The following TMEM131 variants were observed in gnomAD, a reference collection of about 807,000 sequenced individuals.
TMEM131 encodes the protein transmembrane protein 131.
In TMEM131, 66 loss-of-function variants were observed where a neutral mutation model predicts 211.6. That is an observed-to-expected ratio of 0.31 (90% CI 0.26 to 0.38). The LOEUF (loss-of-function observed/expected upper bound fraction) is 0.38, where lower values mean the gene tolerates loss of function less well. Among genes scored for constraint, TMEM131 ranks in the 10% least tolerant of loss-of-function variants. The pLI, the probability that TMEM131 is intolerant of heterozygous loss-of-function variation, is 1.00. For synonymous variants in TMEM131, 844 were observed against 841.3 expected, an observed-to-expected ratio of 1.00 and a Z score of -0.06; for missense variants, 2,036 against 2,299.3, an observed-to-expected ratio of 0.89 and a Z score of 2.34.
Position 97,760,821 on chromosome 2 carries a change from T to G in TMEM131, c.4983A>C (p.Ala1661=), listed in dbSNP as rs1678798831. The G allele has an allele frequency of 6.2e-7, 1 of 1,614,082 alleles. No homozygotes were observed. The highest frequency in any genetic ancestry group is 8.5e-7 in the Non-Finnish European group (1 of 1,179,896). The change falls in exon 37 of 41, where the codon GCA becomes GCC. Residue 1661 remains alanine (A), a synonymous_variant. Coordinates refer to ENST00000186436, the MANE Select transcript of TMEM131 (RefSeq NM_015348.2). ...PGKNGNPTFA[A]VTAGYDKSPG... ...GGCTCTTGTCGTAGCCAGCCGTGAC[T>G]GCAGCAAAAGTGGGGTTGCCGTTCT... is the stretch of plus-strand genomic sequence containing the variant.
chr2:97,792,380 G>T lies in TMEM131; in HGVS notation c.4144+6C>A. 6.4e-7 allele frequency: 1 copy of T among 1,558,360 alleles called. No homozygotes were observed. The highest frequency in any genetic ancestry group is 1.2e-5 in the South Asian group (1 of 82,640). On this transcript the variant is annotated splice_donor_region_variant and intron_variant, in intron 31 of 40. Transcript: ENST00000186436. ...TCACGGATCTCCGGCAGTGGGAGAT[G>T]ATTACCTTTGCTTTTTGGCAATGGC...
chr2:97,880,438 C>A (rs1048510748), intron 4 of TMEM131, among the ~76,000 whole-genome samples: 15 of 152,158 alleles, frequency 9.9e-5, no homozygotes, highest in African/African-American at 3.4e-4. Flanking sequence ...TGGTAACAGT[C>A]CAGATGAGAA....
At chr2:97,939,833 T>C (rs1316565778) in intron 1 of TMEM131, among the ~76,000 whole-genome samples, 1 of 152,224 alleles carries the variant, frequency 6.6e-6, no homozygotes, top group Non-Finnish European at 1.5e-5. Context: ...GAAGATCAAG[T>C]TGGCTTCATC....
chr2:97,796,456 C>T, intron 27 of TMEM131, 52 bp from the exon 28 acceptor site: 2 of 1,127,518 alleles, frequency 1.8e-6, no homozygotes, highest in Non-Finnish European at 2.5e-6. Flanking sequence ...CATGTGCTCC[C>T]AGTCCAAATG....
chr2:97,849,139 A>G (rs1020022557), intron 5 of TMEM131, among the ~76,000 whole-genome samples: 16 of 152,224 alleles, frequency 1.1e-4, no homozygotes, highest in African/African-American at 3.9e-4. Context: ...TCGCATCACA[A>G]AAAACCCAAA....
intron 2 of TMEM131, among the ~76,000 whole-genome samples, chr2:97,911,027 T>C (rs1676269605): frequency 6.6e-6 from 1 of 152,160 alleles, no homozygotes; most frequent in African/African-American, 2.4e-5. Flanking sequence ...ACAGCCCAAA[T>C]TTCCACCAGC....
intron 1 of TMEM131, among the ~76,000 whole-genome samples, chr2:97,974,302 G>C (rs953501510): frequency 4.6e-5 from 7 of 152,040 alleles, no homozygotes; most frequent in Admixed American, 4.6e-4. Context: ...GGAACACGCA[G>C]GAAAAGATCT....
chr2:97,897,175 G>C (rs376959632), intron 3 of TMEM131, among the ~76,000 whole-genome samples: 1 of 151,872 alleles, frequency 6.6e-6, no homozygotes, highest in African/African-American at 2.4e-5. Flanking sequence ...ATTACTTTTT[G>C]GTATATTCCT....
chr2:97,793,297 T>C, intron 30 of TMEM131, 98 bp downstream of exon 30: 4 of 1,307,566 alleles, frequency 3.1e-6, no homozygotes, highest in South Asian at 1.5e-5. Context: ...AGATTTTTTT[T>C]CTCCTGAGCA....
intron 2 of TMEM131, among the ~76,000 whole-genome samples, chr2:97,926,386 G>A (rs1159094280): frequency 6.6e-6 from 1 of 152,032 alleles, no homozygotes; most frequent in Non-Finnish European, 1.5e-5. Flanking sequence ...ATTACAGTCA[G>A]AAAAAGATAA....
At chr2:97,833,280 A>G (rs1682790551) in intron 11 of TMEM131, 85 bp downstream of exon 11, 1 of 679,692 alleles carries the variant, frequency 1.5e-6, no homozygotes, top group Admixed American at 3.5e-5. Flanking sequence ...TTATTTTAGA[A>G]TAAGGGTTTA....
chr2:97,775,397 C>T (rs1348164206), intron 32 of TMEM131, among the ~76,000 whole-genome samples: 2 of 152,174 alleles, frequency 1.3e-5, no homozygotes, highest in East Asian at 1.9e-4. Context: ...TGGGAGTAAG[C>T]GGCCACCAAA....
intron 11 of TMEM131, among the ~76,000 whole-genome samples, chr2:97,825,452 C>T (rs1179967744): frequency 3.9e-5 from 6 of 152,142 alleles, no homozygotes; most frequent in East Asian, 1.9e-4. Flanking sequence ...AAAACAGTTA[C>T]GGGGGTTCCT....
chr2:97,883,070 T>C lies in TMEM131; in HGVS notation c.359+4982A>G, dbSNP rs190781690. 4.3e-4 allele frequency among the ~76,000 whole-genome samples: 66 copies of C among 152,242 alleles called. No individual in the cohort carries two copies. In the East Asian group the frequency reaches 0.013, roughly 29 times the overall value. On this transcript the variant is annotated intron_variant, in intron 4 of 40. Transcript: ENST00000186436. ...GACACCTTCTAGCTGGGTCCTCACA[T>C]GGCAGAAAGGGGACAGTAGCTCTAT...
At position 97,943,091 on chromosome 2, in the gene TMEM131, A is replaced by AAGAAAGAG. The variant is rs1677871978; in HGVS notation, c.188-15605_188-15604insCTCTTTCT. ...AAAGAAAGAAAGAAAGAAAGAAAGAAAGAAAGAAAGAGCTGGGTGTGGTGG... is the reference window on the plus strand; with the variant it reads ...AAAGAAAGAAAGAAAGAAAGAAAGAAAGAAAGAGAGAAAGAAAGAGCTGGGTGTGGTGG... On this transcript the variant is annotated intron_variant, in intron 1 of 40. Transcript: ENST00000186436. Among the ~76,000 whole-genome samples the AAGAAAGAG allele has an allele frequency of 2.1e-5, 3 of 146,048 alleles. No homozygotes were observed. The South Asian group carries it at 6.5e-4, about 31-fold the overall frequency.
chr2:97,993,108 G>A (rs571122456), intron 1 of TMEM131, among the ~76,000 whole-genome samples: 2 of 152,256 alleles, frequency 1.3e-5, no homozygotes, highest in African/African-American at 4.8e-5. Context: ...GAGACAATGA[G>A]TTTTATTGTC....
intron 1 of TMEM131, among the ~76,000 whole-genome samples, chr2:97,990,425 A>G (rs1016895419): frequency 1.1e-4 from 16 of 152,238 alleles, no homozygotes; most frequent in Middle Eastern, 3.4e-3. Flanking sequence ...CTAATTCCTG[A>G]AGTGCTCATT....
At chr2:97,829,689 G>A (rs1039444987) in intron 11 of TMEM131, among the ~76,000 whole-genome samples, 2 of 152,058 alleles carry the variant, frequency 1.3e-5, no homozygotes, top group African/African-American at 2.4e-5. Flanking sequence ...CTTTGGGTCC[G>A]CACCACCTTT....
intron 11 of TMEM131, among the ~76,000 whole-genome samples, chr2:97,831,993 T>TA (rs1218692619): frequency 2.2e-5 from 2 of 91,552 alleles, no homozygotes; most frequent in Admixed American, 1.5e-4. Flanking sequence ...TATAGTTGTG[T>TA]AAGTCACTTC....
Sources: allele counts gnomAD v4.1 joint callset (sites outside exome capture counted in the v4.1 genomes callset), GRCh38; gene constraint gnomAD v4.1.1; transcripts MANE v1.5; gene names NCBI Gene and HGNC (gene_info 2026-07-23, HGNC 2026-07-21).